F13A1: variants seen among roughly 807,000 people sequenced by gnomAD.
F13A1 encodes coagulation factor XIII A chain.
F13A1 carries 47 observed loss-of-function variants against 80.1 expected under a neutral mutation model. The observed-to-expected ratio is 0.59, with a 90% CI of 0.46 to 0.75. The LOEUF is 0.75. F13A1 is among the 30% of genes least tolerant of loss of function. F13A1 has a pLI of 0.00. For missense variants in F13A1, 817 were observed against 930.4 expected, an observed-to-expected ratio of 0.88 and a Z score of 1.59; for synonymous variants, 349 against 344.9, an observed-to-expected ratio of 1.01 and a Z score of -0.13.
chr6:6,296,354 G>A (rs1202077448), intron 3 of F13A1, among the ~76,000 whole-genome samples: 5 of 147,616 alleles, frequency 3.4e-5, no homozygotes, highest in African/African-American at 5.0e-5. Flanking sequence ...CCATTTTCAC[G>A]ATATTGATTC....
At chr6:6,218,752 A>C (rs1403339870) in intron 8 of F13A1, among the ~76,000 whole-genome samples, 1 of 152,226 alleles carries the variant, frequency 6.6e-6, no homozygotes, top group Non-Finnish European at 1.5e-5. Context: ...GTGGCAAACC[A>C]GGAAGCAGTC....
chr6:6,298,091 G>C (rs1354618952), intron 3 of F13A1, among the ~76,000 whole-genome samples: 1 of 150,024 alleles, frequency 6.7e-6, no homozygotes, highest in Non-Finnish European at 1.5e-5. Flanking sequence ...GTTCTAGTTT[G>C]ATTGCACTGT....
At position 6,286,170 on chromosome 6, in the gene F13A1, G is replaced by T. The variant is rs141275288; in HGVS notation, c.319+19181C>A. ...CTCAGCACTTTCAGATGGATTATTT[G>T]AGGTAAGGAGTTTGAGACCAGCCTG... On this transcript the variant is annotated intron_variant, in intron 3 of 14. Coordinates refer to ENST00000264870, the MANE Select transcript of F13A1 (RefSeq NM_000129.4). 8.0e-4 allele frequency among the ~76,000 whole-genome samples: 122 copies of T among 152,326 alleles called. No individual in the cohort carries two copies. The East Asian group carries it at 0.012, about 15-fold the overall frequency.
At chr6:6,202,472 G>A (rs1324200771) in intron 8 of F13A1, among the ~76,000 whole-genome samples, 2 of 152,174 alleles carry the variant, frequency 1.3e-5, no homozygotes, top group African/African-American at 4.8e-5. Context: ...AAATCATGAG[G>A]ACATCTAGCA....
chr6:6,257,462 T>C (rs1757718062), intron 4 of F13A1, among the ~76,000 whole-genome samples: 1 of 152,182 alleles, frequency 6.6e-6, no homozygotes, highest in South Asian at 2.1e-4. Flanking sequence ...AATCAATCTA[T>C]GAAGCACAAG....
intron 8 of F13A1, among the ~76,000 whole-genome samples, chr6:6,215,631 G>T (rs372041794): frequency 6.6e-6 from 1 of 150,760 alleles, no homozygotes; most frequent in East Asian, 2.0e-4. Context: ...AGACAGGGAT[G>T]CCCTCTCTCA....
chr6:6,319,312 C>T (rs1423525111), intron 1 of F13A1, among the ~76,000 whole-genome samples: 2 of 152,148 alleles, frequency 1.3e-5, no homozygotes, highest in African/African-American at 4.8e-5. Flanking sequence ...ATAAGTAAAT[C>T]CACTTAGGGG....
At chr6:6,229,148 C>T (rs548634886) in intron 6 of F13A1, among the ~76,000 whole-genome samples, 5 of 152,118 alleles carry the variant, frequency 3.3e-5, no homozygotes, top group South Asian at 2.1e-4. Flanking sequence ...GCAAATAGAA[C>T]GTCTAGAGAC....
At chr6:6,155,379 CTG>C (rs1256910477) in intron 13 of F13A1, among the ~76,000 whole-genome samples, 2 of 152,250 alleles carry the variant, frequency 1.3e-5, no homozygotes, top group South Asian at 4.2e-4. Context: ...AGTATTGTCT[CTG>C]TAATTAGATG....
At chr6:6,271,546 T>C (rs1461507628) in intron 3 of F13A1, among the ~76,000 whole-genome samples, 2 of 152,222 alleles carry the variant, frequency 1.3e-5, no homozygotes, top group Non-Finnish European at 2.9e-5. Flanking sequence ...AACTTTGCGT[T>C]AAAAACATCA....
At chr6:6,222,271 A>C in intron 7 of F13A1, 100 bp from the exon 8 acceptor site, 2 of 1,480,768 alleles carry the variant, frequency 1.4e-6, no homozygotes, top group Non-Finnish European at 1.9e-6. Context: ...CTGACCCAAC[A>C]TGAAAAGCCC....
At chr6:6,145,825 A>T in intron 14 of F13A1, 53 bp from the exon 15 acceptor site, 3 of 1,612,960 alleles carry the variant, frequency 1.9e-6, no homozygotes, top group Non-Finnish European at 2.5e-6. Context: ...TTCCACTTTG[A>T]TCAGGAAGCA....
At chr6:6,293,822 GGAGA>G (rs1455351790) in intron 3 of F13A1, among the ~76,000 whole-genome samples, 4,901 of 76,600 alleles carry the variant, frequency 0.064, 700 homozygotes, top group African/African-American at 0.23. Flanking sequence ...AGGGAGGGAG[GGAGA>G]GAAGGAAATT....
chr6:6,184,506 A>G (rs1414476521), intron 10 of F13A1, among the ~76,000 whole-genome samples: 2 of 152,372 alleles, frequency 1.3e-5, no homozygotes, highest in South Asian at 2.1e-4. Context: ...GTCAGGAATC[A>G]GGACAGGAGA....
intron 3 of F13A1, among the ~76,000 whole-genome samples, chr6:6,303,209 C>T (rs1265374599): frequency 2.0e-5 from 3 of 152,142 alleles, no homozygotes; most frequent in African/African-American, 7.2e-5. Flanking sequence ...AGAAAATACT[C>T]TTACTTATTA....
At chr6:6,154,143 CAAAAA>C (rs5874019) in intron 13 of F13A1, among the ~76,000 whole-genome samples, 18,922 of 125,078 alleles carry the variant, frequency 0.15, 1,335 homozygotes, top group Middle Eastern at 0.2. Flanking sequence ...TACTGACGTC[CAAAAA>C]AAAAAAAAAA....
chr6:6,248,676 G>T (rs1757588510), intron 5 of F13A1, among the ~76,000 whole-genome samples: 1 of 152,178 alleles, frequency 6.6e-6, no homozygotes, highest in African/African-American at 2.4e-5. Flanking sequence ...GATATACTCA[G>T]GGATCATAAG....
chr6:6,198,506 G>A (rs577083564), intron 8 of F13A1, among the ~76,000 whole-genome samples: 97 of 152,320 alleles, frequency 6.4e-4, no homozygotes, highest in Middle Eastern at 3.4e-3. Context: ...GCCCTTCAAT[G>A]TCAGCTGTTT....
chr6:6,309,796 G>A lies in F13A1; in HGVS notation c.131-4257C>T, dbSNP rs1424077169. On this transcript the variant is annotated intron_variant, in intron 2 of 14. Coordinates refer to ENST00000264870, the MANE Select transcript of F13A1 (RefSeq NM_000129.4). ...AGCTGTTGCAGTGTTCTGGGTGAGG[G>A]GCCACGTGAGTTTAGCCTGCATGTA... 2.6e-5 allele frequency among the ~76,000 whole-genome samples: 4 copies of A among 152,210 alleles called. No homozygotes were observed. The South Asian group carries it at 6.2e-4, about 24-fold the overall frequency.
Sources: allele counts gnomAD v4.1 joint callset (sites outside exome capture counted in the v4.1 genomes callset), GRCh38; gene constraint gnomAD v4.1.1; transcripts MANE v1.5; gene names NCBI Gene and HGNC (gene_info 2026-07-23, HGNC 2026-07-21).